OR2F1: variants seen among roughly 807,000 people sequenced by gnomAD.
OR2F1 encodes the protein olfactory receptor 2F1.
For synonymous variants in OR2F1, 146 were observed against 155.3 expected (o/e 0.94, Z 0.44); for missense variants, 389 against 378.2 (o/e 1.03, Z -0.24).
intron 1 of OR2F1, among the ~76,000 whole-genome samples, chr7:143,957,552 A>G (rs2050294094): frequency 1.3e-5 from 2 of 152,184 alleles, no homozygotes; most frequent in Non-Finnish European, 2.9e-5. Flanking sequence ...TTAGAATGCT[A>G]TATACACAGT....
rs2072164 is a variant in OR2F1 at position 143,960,334 on chromosome 7, C to T, written c.364C>T (p.Arg122Cys). 0.077 allele frequency: 123,554 copies of T among 1,613,964 alleles called. 6,366 individuals are homozygous for T. The highest frequency in any genetic ancestry group is 0.22 in the Admixed American group (13,234 of 60,006). The change falls in exon 3 of 3, where the codon CGC becomes TGC. Residue 122 changes from arginine to cysteine, a missense_variant. Physicochemically the swap from Arg to Cys is radical, Grantham distance 180. Coordinates refer to ENST00000641412, the MANE Select transcript of OR2F1 (RefSeq NM_012369.3). ...TCTCCTGGCGGTGATGGCCTATGAC[C>T]GCTATGTGGCTGTGTGTGATGCCCT... ...FVLLAVMAYD[R>C]YVAVCDALRY...
chr7:143,964,318 T>C lies in OR2F1; in HGVS notation c.*3394T>C, dbSNP rs937644626. 4 of 152,156 alleles carry C rather than the reference T, an allele frequency of 2.6e-5. No homozygotes were observed. The highest frequency in any genetic ancestry group is 5.9e-5 in the Non-Finnish European group (4 of 68,008). 9.4% of individuals were successfully genotyped at this position (152,156 alleles called of 1,614,324 possible). On this transcript the variant is annotated 3_prime_UTR_variant, in exon 3 of 3. Coordinates refer to ENST00000641412, the MANE Select transcript of OR2F1 (RefSeq NM_012369.3). Reference sequence around the variant, plus strand: ...AAATAAAATATTTTTCATTAGTTAATAACCATAAAAACACCACTGAAGGTT... The same window carrying C: ...AAATAAAATATTTTTCATTAGTTAACAACCATAAAAACACCACTGAAGGTT...
chr7:143,959,932 C>A lies in OR2F1; in HGVS notation c.-23-16C>A. Reference sequence around the variant, plus strand: ...GTTATTCAACAGCTTCTGTTTTTTTCTGACTCCCTTCACAGATTAATAATC... The same window carrying A: ...GTTATTCAACAGCTTCTGTTTTTTTATGACTCCCTTCACAGATTAATAATC... On this transcript the variant is annotated splice_polypyrimidine_tract_variant and intron_variant, in intron 2 of 2. Coordinates refer to ENST00000641412, the MANE Select transcript of OR2F1 (RefSeq NM_012369.3). The A allele has an allele frequency of 6.8e-7, 1 of 1,465,208 alleles. No individual in the cohort carries two copies. The allele number at this position is 1,465,208 out of a possible 1,614,324, so 90.8% of individuals were successfully genotyped here.
Position 143,960,690 on chromosome 7 carries a change from G to A in OR2F1, c.720G>A (p.Thr240=), listed in dbSNP as rs369493419. 45 of 1,613,946 alleles carry A rather than the reference G, an allele frequency of 2.8e-5. No individual in the cohort carries two copies. Among genetic ancestry groups the A allele is most frequent in the Middle Eastern group, 1.6e-4 (1 of 6,082 alleles). The change falls in exon 3 of 3, where the codon ACG becomes ACA. Residue 240 remains threonine, a synonymous_variant. Coordinates refer to ENST00000641412, the MANE Select transcript of OR2F1 (RefSeq NM_012369.3). ...SREGRKKAFH[T]CASHLTVVAL... is the part of the protein sequence containing the mutation. ...AAGGAAGAAAGAAAGCTTTCCACAC[G>A]TGTGCCTCTCACCTCACAGTGGTTG... is the stretch of plus-strand genomic sequence containing the variant.
At chr7:143,956,532 G>A (rs1204375969) in intron 1 of OR2F1, among the ~76,000 whole-genome samples, 1 of 151,958 alleles carries the variant, frequency 6.6e-6, no homozygotes, top group Non-Finnish European at 1.5e-5. Flanking sequence ...TTTAATAAAA[G>A]ACTGCTGGAA....
In OR2F1 at chr7:143,960,907, T is replaced by C; in HGVS notation, c.937T>C (p.Ser313Pro). The change falls in exon 3 of 3, where the codon TCA becomes CCA. Residue 313 changes from serine to proline, a missense_variant. Ser to Pro is a moderately conservative substitution (Grantham distance 74). Coordinates refer to ENST00000641412, the MANE Select transcript of OR2F1 (RefSeq NM_012369.3). ...KLLWKFSGLT[S>P]KLAT is the part of the protein sequence containing the mutation. ...ATTATGGAAATTCTCTGGGTTAACA[T>C]CAAAGCTGGCAACTTGACTCATGAG... 2 of 1,608,282 alleles carry C rather than the reference T, an allele frequency of 1.2e-6. No individual in the cohort carries two copies. The highest frequency in any genetic ancestry group is 2.7e-5 in the African/African-American group (2 of 74,790).
rs2050321262 is a variant in OR2F1, at chr7:143,960,668, GAAGA to G, written c.706_709del (p.Lys236LeufsTer45). On this transcript the variant is annotated frameshift_variant, in exon 3 of 3. Transcript: ENST00000641412. LOFTEE classifies it low-confidence loss of function (END_TRUNC). ...ATCCTAAAGATCCAGTCCAGAGAAG[GAAGA>G]AAGAAAGCTTTCCACACGTGTGCCT... is the stretch of plus-strand genomic sequence containing the variant. 2.5e-6 allele frequency: 4 copies of G among 1,614,058 alleles called. No individual in the cohort carries two copies. The East Asian group carries it at 6.7e-5, about 27-fold the overall frequency.
chr7:143,957,006 A>G (rs7794442), intron 1 of OR2F1, among the ~76,000 whole-genome samples: 15,089 of 152,246 alleles, frequency 0.099, 969 homozygotes, highest in Admixed American at 0.18. Context: ...ATTCGTGGAT[A>G]GAGGAGTACA....
Position 143,961,770 on chromosome 7 carries a change from A to G in OR2F1, c.*846A>G, listed in dbSNP as rs1441996915. ...GCACACAAATTATGAGATACTGTGA[A>G]AAATGTCAAAGACATAGTTAATTTA... On this transcript the variant is annotated 3_prime_UTR_variant, in exon 3 of 3. Coordinates refer to ENST00000641412, the MANE Select transcript of OR2F1 (RefSeq NM_012369.3). 3 of 152,248 alleles carry G rather than the reference A, an allele frequency of 2.0e-5. No individual in the cohort carries two copies. In the East Asian group the frequency reaches 5.8e-4, roughly 29 times the overall value. 9.4% of individuals were successfully genotyped at this position (152,248 alleles called of 1,614,324 possible).
rs1450373104 is a variant in OR2F1, at chr7:143,960,781, G to A, written c.811G>A (p.Glu271Lys). The change falls in exon 3 of 3, where the codon GAG becomes AAG. Residue 271 changes from glutamate (E) to lysine (K), a missense_variant. Physicochemically the swap from Glu to Lys is moderately conservative, Grantham distance 56. Coordinates refer to ENST00000641412, the MANE Select transcript of OR2F1 (RefSeq NM_012369.3). Reference protein sequence around the residue: ...QPHSSPSVLQEKLFSVFYAIL... With the variant: ...QPHSSPSVLQKKLFSVFYAIL... The stretch of plus-strand genomic sequence containing the variant: ...CCACTCCAGTCCCTCTGTCCTTCAG[G>A]AGAAGTTGTTCTCTGTCTTTTATGC... 1 of 1,614,088 alleles carries A rather than the reference G, an allele frequency of 6.2e-7. No homozygotes were observed. The highest frequency in any genetic ancestry group is 8.5e-7 in the Non-Finnish European group (1 of 1,180,026).
chr7:143,960,245 T>C lies in OR2F1; in HGVS notation c.275T>C (p.Ile92Thr), dbSNP rs1390237758. Reference protein sequence around the residue: ...LAHFLAEHKAIPFQSCAAQLF... With the variant: ...LAHFLAEHKATPFQSCAAQLF... The stretch of plus-strand genomic sequence containing the variant: ...CATTTTCTTGCAGAACATAAAGCCA[T>C]CCCATTCCAGAGCTGTGCAGCCCAG... Residue 92 changes from isoleucine to threonine, a missense_variant, in exon 3 of 3, where the codon ATC becomes ACC. Transcript: ENST00000641412. The C allele has an allele frequency of 6.2e-7, 1 of 1,614,082 alleles. No individual in the cohort carries two copies. The highest frequency in any genetic ancestry group is 8.5e-7 in the Non-Finnish European group (1 of 1,180,036).
At position 143,960,728 on chromosome 7, in the gene OR2F1, G is replaced by A. The variant is rs143396389; in HGVS notation, c.758G>A (p.Gly253Asp). ...SHLTVVALCY[G>D]VAIFTYIQPH... ...CTCACAGTGGTTGCCCTGTGCTATG[G>A]TGTGGCCATTTTCACTTACATCCAG... The change falls in exon 3 of 3, where the codon GGT (glycine) becomes GAT (aspartate). Residue 253 changes from glycine (G) to aspartate (D), a missense_variant. Physicochemically the swap from Gly to Asp is moderately conservative, Grantham distance 94. Transcript: ENST00000641412. 5.6e-5 allele frequency: 90 copies of A among 1,613,692 alleles called. No individual in the cohort carries two copies. The highest frequency in any genetic ancestry group is 4.5e-4 in the Admixed American group (27 of 60,000).
At chr7:143,959,577 AG>A (rs2050308801) in intron 2 of OR2F1, among the ~76,000 whole-genome samples, 2 of 152,180 alleles carry the variant, frequency 1.3e-5, no homozygotes, top group South Asian at 4.1e-4. Flanking sequence ...GACATGTTTA[AG>A]GTAATTTGTT....
intron 1 of OR2F1, among the ~76,000 whole-genome samples, chr7:143,955,777 AG>A (rs2050280812): frequency 6.6e-6 from 1 of 152,208 alleles, no homozygotes; most frequent in Non-Finnish European, 1.5e-5. Flanking sequence ...GAACACATAT[AG>A]AAAAAATTGA....
At chr7:143,955,827 G>A (rs2050281318) in intron 1 of OR2F1, among the ~76,000 whole-genome samples, 1 of 152,132 alleles carries the variant, frequency 6.6e-6, no homozygotes, top group Non-Finnish European at 1.5e-5. Flanking sequence ...ATAACTCTAA[G>A]AATGTAAAAT....
Position 143,958,948 on chromosome 7 carries a change from G to A in OR2F1, c.-179-5G>A, listed in dbSNP as rs891555678. On this transcript the variant is annotated splice_polypyrimidine_tract_variant and splice_region_variant and intron_variant, in intron 1 of 2. Transcript: ENST00000641412. ...ATTCATATGCATGTTTATTTTCTTT[G>A]GCAGCCATAGCAACAGCAGCAAGTT... 6.6e-6 allele frequency: 1 copy of A among 150,738 alleles called. No individual in the cohort carries two copies. Among genetic ancestry groups the A allele is most frequent in the Non-Finnish European group, 1.5e-5 (1 of 67,862 alleles). 9.3% of individuals were successfully genotyped at this position (150,738 alleles called of 1,614,324 possible).
At chr7:143,955,660 T>A (rs547469333) in intron 1 of OR2F1, among the ~76,000 whole-genome samples, 3 of 152,176 alleles carry the variant, frequency 2.0e-5, no homozygotes, top group Admixed American at 1.3e-4. Context: ...CCTTTTTTCA[T>A]TGTGATCCTG....
Position 143,960,003 on chromosome 7 carries a change from A to T in OR2F1, c.33A>T (p.Glu11Asp). ...CAGATAACCAGACTTGGGTGAGTGAATTTATTCTCCTCGGCCTGTCCAGTG... is the reference window on the plus strand; with the variant it reads ...CAGATAACCAGACTTGGGTGAGTGATTTTATTCTCCTCGGCCTGTCCAGTG... MGTDNQTWVS[E>D]FILLGLSSDW... Residue 11 changes from glutamate to aspartate, a missense_variant, in exon 3 of 3, where the codon GAA becomes GAT. Coordinates refer to ENST00000641412, the MANE Select transcript of OR2F1 (RefSeq NM_012369.3). The T allele has an allele frequency of 6.2e-7, 1 of 1,611,980 alleles. No homozygotes were observed. The highest frequency in any genetic ancestry group is 1.3e-5 in the African/African-American group (1 of 74,942).
intron 1 of OR2F1, among the ~76,000 whole-genome samples, chr7:143,956,429 A>C: frequency 6.6e-6 from 1 of 152,168 alleles, no homozygotes; most frequent in East Asian, 1.9e-4. Context: ...TTTGAATATT[A>C]ATTATTTTGA....
Sources: allele counts gnomAD v4.1 joint callset (sites outside exome capture counted in the v4.1 genomes callset), GRCh38; gene constraint gnomAD v4.1.1; transcripts MANE v1.5; gene names NCBI Gene and HGNC (gene_info 2026-07-23, HGNC 2026-07-21).